The following GFM1 variants were observed in gnomAD, a reference collection of about 807,000 sequenced individuals.
GFM1 encodes the protein G elongation factor mitochondrial 1, also known as elongation factor G, mitochondrial.
In GFM1, 62 loss-of-function variants were observed where a neutral mutation model predicts 96.2. The ratio of observed to expected loss-of-function variants is 0.64; its 90% CI spans 0.53 to 0.80. GFM1 has a LOEUF of 0.80. Ranked by LOEUF, GFM1 falls within the 30% of genes least tolerant of loss-of-function variation. The pLI, the probability that GFM1 is intolerant of heterozygous loss-of-function variation, is 0.00. For missense variants in GFM1, 852 were observed against 916.6 expected, an observed-to-expected ratio of 0.93 and a Z score of 0.91; for synonymous variants, 282 against 312.9, an observed-to-expected ratio of 0.90 and a Z score of 1.04.
rs868390553 is a variant in GFM1, at chr3:158,644,686, C to A, written c.52C>A (p.Pro18Thr). 6.3e-7 allele frequency: 1 copy of A among 1,580,156 alleles called. No individual in the cohort carries two copies. The highest frequency in any genetic ancestry group is 1.3e-5 in the African/African-American group (1 of 74,722). The change falls in exon 1 of 18, where the codon CCC becomes ACC. Residue 18 changes from proline (P) to threonine (T), a missense_variant. Transcript: ENST00000486715. ...CGCGGCTCTGGGGCGCGGAAGGGCC[C>A]CCGCCTCCCTAGGCTGGCAGAGGAA... is the stretch of plus-strand genomic sequence containing the variant. ...AVAALGRGRA[P>T]ASLGWQRKQV...
intron 15 of GFM1, chr3:158,685,038 C>G (rs991197976): frequency 2.2e-5 from 4 of 178,238 alleles, no homozygotes; most frequent in African/African-American, 7.2e-5. Context: ...TCAAGAAATC[C>G]ATAAATTTGT....
intron 13 of GFM1, among the ~76,000 whole-genome samples, chr3:158,675,490 A>C (rs1724811318): frequency 6.6e-6 from 1 of 152,064 alleles, no homozygotes; most frequent in South Asian, 2.1e-4. Flanking sequence ...GTTTTATTAC[A>C]TAATGATAAA....
At chr3:158,677,076 A>C (rs892844960) in intron 13 of GFM1, among the ~76,000 whole-genome samples, 1 of 152,164 alleles carries the variant, frequency 6.6e-6, no homozygotes, top group Non-Finnish European at 1.5e-5. Flanking sequence ...TAATATTTCA[A>C]ACTTTTTCAT....
At chr3:158,687,416 T>C (rs1415077870) in intron 15 of GFM1, among the ~76,000 whole-genome samples, 2 of 152,176 alleles carry the variant, frequency 1.3e-5, no homozygotes, top group Non-Finnish European at 2.9e-5. Flanking sequence ...TTCTCCATGA[T>C]TGAAAGAAGT....
intron 13 of GFM1, chr3:158,666,624 C>T (rs754659165): frequency 1.3e-6 from 2 of 1,596,426 alleles, no homozygotes; most frequent in South Asian, 1.1e-5. Context: ...CATGTTTACA[C>T]TTCCAGTGTT....
chr3:158,659,486 A>G (rs1253594776), intron 9 of GFM1, among the ~76,000 whole-genome samples: 1 of 152,230 alleles, frequency 6.6e-6, no homozygotes, highest in Non-Finnish European at 1.5e-5. Context: ...CGGCAGGCAC[A>G]AAAGCCCTGT....
chr3:158,672,402 C>A, intron 13 of GFM1: 2 of 1,614,046 alleles, frequency 1.2e-6, no homozygotes, highest in Non-Finnish European at 1.7e-6. Context: ...GTGCGGGGTC[C>A]CCTGCTGGTA....
At chr3:158,657,432 T>C (rs956648842) in intron 8 of GFM1, 4 of 152,218 alleles carry the variant, frequency 2.6e-5, no homozygotes, top group African/African-American at 9.6e-5. Context: ...TCATTGAGTA[T>C]TGTTTAAAAA....
chr3:158,682,795 C>T (rs1054363582), intron 14 of GFM1, among the ~76,000 whole-genome samples: 3 of 152,028 alleles, frequency 2.0e-5, no homozygotes, highest in Non-Finnish European at 4.4e-5. Flanking sequence ...GAGGCCGAGG[C>T]GGGCAGATCA....
chr3:158,658,848 T>C (rs1267309815), intron 8 of GFM1, 74 bp from the exon 9 acceptor site: 14 of 1,524,910 alleles, frequency 9.2e-6, no homozygotes, highest in South Asian at 3.4e-5. Flanking sequence ...GAGGGAGTTA[T>C]GAAGCTTTCC....
At chr3:158,687,947 C>T (rs566989342) in intron 15 of GFM1, among the ~76,000 whole-genome samples, 1 of 151,912 alleles carries the variant, frequency 6.6e-6, no homozygotes, top group South Asian at 2.1e-4. Flanking sequence ...TTACATACAC[C>T]TCTGTTGAAT....
chr3:158,671,026 T>C, intron 13 of GFM1: 1 of 1,520,968 alleles, frequency 6.6e-7, no homozygotes, highest in Non-Finnish European at 8.8e-7. Flanking sequence ...TATCCTAAAA[T>C]TAAGAAAATG....
At chr3:158,658,157 C>CTTTTTTT (rs397842738) in intron 8 of GFM1, among the ~76,000 whole-genome samples, 1,026 of 97,336 alleles carry the variant, frequency 0.011, 58 homozygotes, top group Non-Finnish European at 0.012. Flanking sequence ...TCACAGAACT[C>CTTTTTTT]TTTTTTTTTT....
intron 13 of GFM1, chr3:158,667,209 A>T: frequency 1.0e-6 from 1 of 989,526 alleles, no homozygotes; most frequent in Admixed American, 3.8e-5. Context: ...GAATGTCATA[A>T]TTTCAATTTA....
chr3:158,657,483 T>A (rs1215925777), intron 8 of GFM1: 4 of 152,220 alleles, frequency 2.6e-5, no homozygotes, highest in African/African-American at 9.6e-5. Flanking sequence ...ATTGTAATCT[T>A]TTATCTTGAT....
chr3:158,684,244 A>G (rs1016967701), intron 14 of GFM1, among the ~76,000 whole-genome samples: 5 of 152,096 alleles, frequency 3.3e-5, no homozygotes, highest in Non-Finnish European at 5.9e-5. Context: ...AAAATAACTA[A>G]TGGGTACCAG....
intron 7 of GFM1, among the ~76,000 whole-genome samples, chr3:158,654,300 A>G (rs114532543): frequency 0.012 from 1,650 of 142,114 alleles, 43 homozygotes; most frequent in African/African-American, 0.043. Flanking sequence ...CACAGCCTCG[A>G]ACTCCTGAGC....
intron 13 of GFM1, chr3:158,668,926 C>T: frequency 1.5e-6 from 2 of 1,363,196 alleles, no homozygotes; most frequent in Non-Finnish European, 2.0e-6. Flanking sequence ...ACTGTTAATC[C>T]AATTATGAAT....
Position 158,691,358 on chromosome 3 carries a change from A to G in GFM1, c.2147A>G (p.Glu716Gly), listed in dbSNP as rs1392193662. The G allele has an allele frequency of 6.2e-7, 1 of 1,613,836 alleles. No individual in the cohort carries two copies. The change falls in exon 18 of 18, where the codon GAG becomes GGG. Residue 716 changes from glutamate (E) to glycine (G), a missense_variant. Physicochemically the swap from Glu to Gly is moderately conservative, Grantham distance 98 (BLOSUM62 -2). Coordinates refer to ENST00000486715, the MANE Select transcript of GFM1 (RefSeq NM_024996.7). Reference sequence around the variant, plus strand: ...TAGGGAAAGGGAGAATACACAATGGAGTATAGCAGGTATCAGCCATGTTTA... The same window carrying G: ...TAGGGAAAGGGAGAATACACAATGGGGTATAGCAGGTATCAGCCATGTTTA... ...CTEGKGEYTM[E>G]YSRYQPCLPS...
Sources: allele counts gnomAD v4.1 joint callset (sites outside exome capture counted in the v4.1 genomes callset), GRCh38; gene constraint gnomAD v4.1.1; transcripts MANE v1.5; gene names NCBI Gene and HGNC (gene_info 2026-07-23, HGNC 2026-07-21).